EGFL8: variants seen among roughly 807,000 people sequenced by gnomAD.
The protein encoded by EGFL8 is epidermal growth factor-like protein 8.
Under a neutral mutation model 39.4 loss-of-function variants are expected in EGFL8, and 32 were observed. That is an observed-to-expected ratio of 0.81 (90% CI 0.61 to 1.09). The LOEUF (loss-of-function observed/expected upper bound fraction) is 1.09. Ranked by LOEUF, EGFL8 falls within the 50% of genes least tolerant of loss-of-function variation. EGFL8 has a pLI of 0.00. For missense variants in EGFL8, 385 were observed against 402.2 expected (o/e 0.96, Z 0.37); for synonymous variants, 177 against 168.5 (o/e 1.05, Z -0.39).
In EGFL8 at chr6:32,167,211, G is replaced by A. The variant is rs1784587641; in HGVS notation, c.555G>A (p.Glu185=). ...VLGVDGRTCM[E]GSPEPPTSAS... is the part of the protein sequence containing the mutation. ...GCGTGGACGGGCGCACCTGCATGGAGGGGTCCCCAGAGCCCCCAACCAGTG... is the reference window on the plus strand; with the variant it reads ...GCGTGGACGGGCGCACCTGCATGGAAGGGTCCCCAGAGCCCCCAACCAGTG... Residue 185 remains glutamate (E), a synonymous_variant, in exon 6 of 9, where the codon GAG becomes GAA. Transcript: ENST00000333845. The surrounding 1 kb of genome is among the most constrained non-coding windows in gnomAD (Gnocchi z 6.4). 6.2e-7 allele frequency: 1 copy of A among 1,612,884 alleles called. No homozygotes were observed.
In EGFL8 at chr6:32,166,287, G is replaced by T. The variant is rs1283521149; in HGVS notation, c.101+21G>T. On this transcript the variant is annotated intron_variant, in intron 2 of 8. Coordinates refer to ENST00000333845, the MANE Select transcript of EGFL8 (RefSeq NM_030652.4). The surrounding 1 kb of genome is among the most constrained non-coding windows in gnomAD (Gnocchi z 7.3). The stretch of plus-strand genomic sequence containing the variant: ...GAGAGGTGACAACAGAGGGGGTAGG[G>T]CCCGGGGTGAGCTCTTCTCAGGAGC... 2 of 1,612,770 alleles carry T rather than the reference G, an allele frequency of 1.2e-6. No individual in the cohort carries two copies. The highest frequency in any genetic ancestry group is 1.7e-6 in the Non-Finnish European group (2 of 1,179,140).
rs931258339 is a variant in EGFL8, at chr6:32,164,889, G to C, written c.-29+232G>C. Among the ~76,000 whole-genome samples the C allele has an allele frequency of 1.3e-5, 2 of 151,872 alleles. No homozygotes were observed. The highest frequency in any genetic ancestry group is 4.8e-5 in the African/African-American group (2 of 41,350). On this transcript the variant is annotated intron_variant, in intron 1 of 8. Coordinates refer to ENST00000333845, the MANE Select transcript of EGFL8 (RefSeq NM_030652.4). The surrounding 1 kb of genome is among the most constrained non-coding windows in gnomAD (Gnocchi z 5.4). ...TGTGTGTACGGTGTGAAGGTATATA[G>C]CTAGGGGTTTTTTTTGTTTGTTTGT... is the stretch of plus-strand genomic sequence containing the variant.
chr6:32,167,747 C>A lies in EGFL8; in HGVS notation c.835+91C>A. 1 of 1,544,186 alleles carries A rather than the reference C, an allele frequency of 6.5e-7. No homozygotes were observed. Among genetic ancestry groups the A allele is most frequent in the Middle Eastern group, 2.4e-4 (1 of 4,234 alleles). ...TCAGGCATTCCCTCTTTCCTCCAAG[C>A]CCCTCTCCAACATTCACTATCCTCA... On this transcript the variant is annotated intron_variant, in intron 8 of 8. Coordinates refer to ENST00000333845, the MANE Select transcript of EGFL8 (RefSeq NM_030652.4). The surrounding 1 kb of genome is among the most constrained non-coding windows in gnomAD (Gnocchi z 6.4).
chr6:32,166,767 C>A lies in EGFL8; in HGVS notation c.291C>A (p.Cys97Ter). The A allele has an allele frequency of 6.3e-7, 1 of 1,575,458 alleles. No homozygotes were observed. The highest frequency in any genetic ancestry group is 8.6e-7 in the Non-Finnish European group (1 of 1,159,158). Reference sequence around the variant, plus strand: ...TTCAGCAGACCCATGCAGTGTGCTGCCAGGGCTGGAAGAAGCGGCACCCGG... The same window carrying A: ...TTCAGCAGACCCATGCAGTGTGCTGACAGGGCTGGAAGAAGCGGCACCCGG... The part of the protein sequence containing the change: ...REVQQTHAVC[C>*]QGWKKRHPGA... The change falls in exon 4 of 9, where the codon TGC (cysteine) becomes TGA (stop). Residue 97 changes from cysteine to a stop codon, truncating the protein, a stop_gained. Transcript: ENST00000333845. LOFTEE classifies it high-confidence loss of function. The surrounding 1 kb of genome is among the most constrained non-coding windows in gnomAD (Gnocchi z 7.3).
chr6:32,167,267 C>T lies in EGFL8; in HGVS notation c.601+10C>T, dbSNP rs1370164884. Reference sequence around the variant, plus strand: ...ATACTCAGCGTGGCCGGTGAGTGGGCAGGAGTACGGGCCACCCGAGGGACT... The same window carrying T: ...ATACTCAGCGTGGCCGGTGAGTGGGTAGGAGTACGGGCCACCCGAGGGACT... On this transcript the variant is annotated intron_variant, in intron 6 of 8. Transcript: ENST00000333845. The surrounding 1 kb of genome is among the most constrained non-coding windows in gnomAD (Gnocchi z 6.4). 7 of 1,610,370 alleles carry T rather than the reference C, an allele frequency of 4.3e-6. No individual in the cohort carries two copies. The South Asian group carries it at 7.7e-5, about 18-fold the overall frequency.
chr6:32,166,002 A>T lies in EGFL8; in HGVS notation c.-28-136A>T. Reference sequence around the variant, plus strand: ...TGGGTTGTACACACAGGTGTAGGCAATCCTGGTGGCTAGTATGTAAAAGTG... The same window carrying T: ...TGGGTTGTACACACAGGTGTAGGCATTCCTGGTGGCTAGTATGTAAAAGTG... On this transcript the variant is annotated intron_variant, in intron 1 of 8. Transcript: ENST00000333845. This position sits in a 1 kb window ranked among gnomAD's most constrained non-coding sequence, Gnocchi z 7.3. The T allele has an allele frequency of 2.9e-6, 2 of 686,552 alleles. No individual in the cohort carries two copies. Among genetic ancestry groups the T allele is most frequent in the Non-Finnish European group, 5.3e-6 (2 of 379,244 alleles). 42.5% of individuals were successfully genotyped at this position (686,552 alleles called of 1,614,324 possible). A position where few individuals can be genotyped will look rare whatever the true frequency, so the allele number is the denominator to read the frequency against.
In EGFL8 at chr6:32,166,122, C is replaced by G; in HGVS notation, c.-28-16C>G. 6.2e-7 allele frequency: 1 copy of G among 1,606,538 alleles called. No individual in the cohort carries two copies. On this transcript the variant is annotated splice_polypyrimidine_tract_variant and intron_variant, in intron 1 of 8. Transcript: ENST00000333845. The surrounding 1 kb of genome is among the most constrained non-coding windows in gnomAD (Gnocchi z 7.3). The stretch of plus-strand genomic sequence containing the variant: ...GGAGAGGGGACGGGCATCCATTAAC[C>G]TTTTCTTGCCTGCAGCCTGTAGGGT...
rs1260515062 is a variant in EGFL8, at chr6:32,164,896, GTTTT to G, written c.-29+244_-29+247del. Among the ~76,000 whole-genome samples, 1 of 151,390 alleles carries G rather than the reference GTTTT, an allele frequency of 6.6e-6. No homozygotes were observed. The highest frequency in any genetic ancestry group is 2.1e-4 in the South Asian group (1 of 4,804). ...ACGGTGTGAAGGTATATAGCTAGGG[GTTTT>G]TTTTGTTTGTTTGTTTTGTTTGTTT... On this transcript the variant is annotated intron_variant, in intron 1 of 8. Coordinates refer to ENST00000333845, the MANE Select transcript of EGFL8 (RefSeq NM_030652.4). This position sits in a 1 kb window ranked among gnomAD's most constrained non-coding sequence, Gnocchi z 5.4.
Position 32,167,313 on chromosome 6 carries a change from G to A in EGFL8, c.602-37G>A, listed in dbSNP as rs117904238. 11,175 of 1,612,788 alleles carry A rather than the reference G, an allele frequency of 6.9e-3. 132 individuals carry two copies. Among genetic ancestry groups the A allele is most frequent in the East Asian group, 0.037 (1,649 of 44,870 alleles). Reference sequence around the variant, plus strand: ...GGACTCGGGACGGGCGTCCGGGCTCGGGTAGTGGTCACACTCTTGGTCTCC... The same window carrying A: ...GGACTCGGGACGGGCGTCCGGGCTCAGGTAGTGGTCACACTCTTGGTCTCC... On this transcript the variant is annotated intron_variant, in intron 6 of 8. Transcript: ENST00000333845. The surrounding 1 kb of genome is among the most constrained non-coding windows in gnomAD (Gnocchi z 6.4).
At position 32,164,629 on chromosome 6, in the gene EGFL8, C is replaced by T. The variant is rs1208000849; in HGVS notation, c.-57C>T. On this transcript the variant is annotated 5_prime_UTR_variant, in exon 1 of 9. Transcript: ENST00000333845. This position sits in a 1 kb window ranked among gnomAD's most constrained non-coding sequence, Gnocchi z 5.4. Reference sequence around the variant, plus strand: ...AGCTGCTTCTGCTGAGGCTGGTCTGCTTGAAGCCTCCCAGGAGAAAGAAGC... The same window carrying T: ...AGCTGCTTCTGCTGAGGCTGGTCTGTTTGAAGCCTCCCAGGAGAAAGAAGC... The T allele has an allele frequency of 1.4e-6, 1 of 719,964 alleles. No individual in the cohort carries two copies. The highest frequency in any genetic ancestry group is 2.6e-6 in the Non-Finnish European group (1 of 386,640). The allele number at this position is 719,964 out of a possible 1,614,324, so 44.6% of individuals were successfully genotyped here.
In EGFL8 at chr6:32,167,367, G is replaced by C. The variant is rs776775263; in HGVS notation, c.619G>C (p.Asp207His). 4 of 1,613,106 alleles carry C rather than the reference G, an allele frequency of 2.5e-6. No homozygotes were observed. The South Asian group carries it at 4.4e-5, about 18-fold the overall frequency. The change falls in exon 7 of 9, where the codon GAT becomes CAT. Residue 207 changes from aspartate (D) to histidine (H), a missense_variant. Transcript: ENST00000333845. This position sits in a 1 kb window ranked among gnomAD's most constrained non-coding sequence, Gnocchi z 6.4. The stretch of plus-strand genomic sequence containing the variant: ...GTCCCTAGTTCGGGAGGCGGAAAAA[G>C]ATGAGCGCGCTCTGAAGCAGGAGAT... ...LSVAVREAEK[D>H]ERALKQEIHE...
rs1784362956 is a variant in EGFL8 at position 32,164,647 on chromosome 6, AAAG to A, written c.-35_-33del. On this transcript the variant is annotated 5_prime_UTR_variant, in exon 1 of 9. Transcript: ENST00000333845. This position sits in a 1 kb window ranked among gnomAD's most constrained non-coding sequence, Gnocchi z 5.4. ...TGGTCTGCTTGAAGCCTCCCAGGAGAAAGAAGCCAGGTGGGAATGGAGAGAGAG... is the reference window on the plus strand; with the variant it reads ...TGGTCTGCTTGAAGCCTCCCAGGAGAAAGCCAGGTGGGAATGGAGAGAGAG... The A allele has an allele frequency of 1.4e-6, 1 of 718,628 alleles. No homozygotes were observed. The highest frequency in any genetic ancestry group is 2.6e-6 in the Non-Finnish European group (1 of 385,902). 44.5% of individuals were successfully genotyped at this position (718,628 alleles called of 1,614,324 possible).
chr6:32,164,790 G>A lies in EGFL8; in HGVS notation c.-29+133G>A. 1.6e-6 allele frequency: 1 copy of A among 638,816 alleles called. No homozygotes were observed. The highest frequency in any genetic ancestry group is 1.7e-5 in the South Asian group (1 of 57,958). The allele number at this position is 638,816 out of a possible 1,614,324, so 39.6% of individuals were successfully genotyped here. Reference sequence around the variant, plus strand: ...TTGGAGCAAGGGATGTGCATTTAGGGCGTTATGTGACGGTGTGGGTATATG... The same window carrying A: ...TTGGAGCAAGGGATGTGCATTTAGGACGTTATGTGACGGTGTGGGTATATG... On this transcript the variant is annotated intron_variant, in intron 1 of 8. Coordinates refer to ENST00000333845, the MANE Select transcript of EGFL8 (RefSeq NM_030652.4). This position sits in a 1 kb window ranked among gnomAD's most constrained non-coding sequence, Gnocchi z 5.4.
In EGFL8 at chr6:32,166,843, C is replaced by T. The variant is rs761496982; in HGVS notation, c.334+33C>T. 3.4e-5 allele frequency: 54 copies of T among 1,574,394 alleles called. No individual in the cohort carries two copies. Among genetic ancestry groups the T allele is most frequent in the African/African-American group, 2.0e-4 (15 of 73,726 alleles). On this transcript the variant is annotated intron_variant, in intron 4 of 8. Coordinates refer to ENST00000333845, the MANE Select transcript of EGFL8 (RefSeq NM_030652.4). This position sits in a 1 kb window ranked among gnomAD's most constrained non-coding sequence, Gnocchi z 7.3. Reference sequence around the variant, plus strand: ...TGGGTCTTCCGGGCCTTGCGGGAGGCGCGCCCCACGGAGCTGGGGAGCTGG... The same window carrying T: ...TGGGTCTTCCGGGCCTTGCGGGAGGTGCGCCCCACGGAGCTGGGGAGCTGG...
In EGFL8 at chr6:32,167,482, G is replaced by A. The variant is rs985459141; in HGVS notation, c.682-21G>A. 6.2e-7 allele frequency: 1 copy of A among 1,609,990 alleles called. No homozygotes were observed. Among genetic ancestry groups the A allele is most frequent in the African/African-American group, 1.3e-5 (1 of 74,946 alleles). ...GGCCAGACGTCACTGTCAATACCCTGAGGCATCTCTTCCTTTCTAGTGGGC... is the reference window on the plus strand; with the variant it reads ...GGCCAGACGTCACTGTCAATACCCTAAGGCATCTCTTCCTTTCTAGTGGGC... On this transcript the variant is annotated intron_variant, in intron 7 of 8. Coordinates refer to ENST00000333845, the MANE Select transcript of EGFL8 (RefSeq NM_030652.4). This position sits in a 1 kb window ranked among gnomAD's most constrained non-coding sequence, Gnocchi z 6.4.
chr6:32,166,477 C>T lies in EGFL8; in HGVS notation c.102-21C>T. 1 of 1,613,302 alleles carries T rather than the reference C, an allele frequency of 6.2e-7. No homozygotes were observed. Among genetic ancestry groups the T allele is most frequent in the Non-Finnish European group, 8.5e-7 (1 of 1,180,016 alleles). On this transcript the variant is annotated intron_variant, in intron 2 of 8. Transcript: ENST00000333845. The surrounding 1 kb of genome is among the most constrained non-coding windows in gnomAD (Gnocchi z 7.3). ...CTGGCCTACTCAATCTCTCCCACCT[C>T]ATCCTCTGGCATGGACGCAGTCAGG...
In EGFL8 at chr6:32,166,797, G is replaced by A. The variant is rs150029816; in HGVS notation, c.321G>A (p.Ala107=). The part of the protein sequence containing the change: ...CQGWKKRHPG[A]LTCEAICAKP... ...GCTGGAAGAAGCGGCACCCGGGGGC[G>A]CTCACCTGTGAAGGTGAGGCTGGGT... The change falls in exon 4 of 9, where the codon GCG becomes GCA. Residue 107 remains alanine, a synonymous_variant. Transcript: ENST00000333845. The surrounding 1 kb of genome is among the most constrained non-coding windows in gnomAD (Gnocchi z 7.3). 8.3e-6 allele frequency: 13 copies of A among 1,569,942 alleles called. No homozygotes were observed. Among genetic ancestry groups the A allele is most frequent in the Middle Eastern group, 1.7e-4 (1 of 5,832 alleles).
chr6:32,166,003 T>C lies in EGFL8; in HGVS notation c.-28-135T>C. The C allele has an allele frequency of 2.9e-6, 2 of 687,606 alleles. No homozygotes were observed. Among genetic ancestry groups the C allele is most frequent in the Non-Finnish European group, 5.3e-6 (2 of 380,044 alleles). 42.6% of individuals were successfully genotyped at this position (687,606 alleles called of 1,614,324 possible). On this transcript the variant is annotated intron_variant, in intron 1 of 8. Coordinates refer to ENST00000333845, the MANE Select transcript of EGFL8 (RefSeq NM_030652.4). The surrounding 1 kb of genome is among the most constrained non-coding windows in gnomAD (Gnocchi z 7.3). ...GGGTTGTACACACAGGTGTAGGCAA[T>C]CCTGGTGGCTAGTATGTAAAAGTGA... is the stretch of plus-strand genomic sequence containing the variant.
chr6:32,164,813 A>G lies in EGFL8; in HGVS notation c.-29+156A>G, dbSNP rs2849013. 22,580 of 624,184 alleles carry G rather than the reference A, an allele frequency of 0.036. 694 individuals are homozygous for G. Among genetic ancestry groups the G allele is most frequent in the African/African-American group, 0.099 (5,505 of 55,464 alleles). 38.7% of individuals were successfully genotyped at this position (624,184 alleles called of 1,614,324 possible). A position where few individuals can be genotyped will look rare whatever the true frequency, so the allele number is the denominator to read the frequency against. On this transcript the variant is annotated intron_variant, in intron 1 of 8. Transcript: ENST00000333845. The surrounding 1 kb of genome is among the most constrained non-coding windows in gnomAD (Gnocchi z 5.4). ...GGGCGTTATGTGACGGTGTGGGTATATGAGGGGAGTAGCAGTGTGTGAAAG... is the reference window on the plus strand; with the variant it reads ...GGGCGTTATGTGACGGTGTGGGTATGTGAGGGGAGTAGCAGTGTGTGAAAG...
Sources: gnomAD v4.1 joint callset for allele counts (sites outside exome capture counted in the v4.1 genomes callset) on GRCh38, gnomAD v4.1.1 for gene constraint, Gnocchi (gnomAD v3.1) non-coding constraint, MANE v1.5 for transcripts, NCBI Gene and HGNC (gene_info 2026-07-23, HGNC 2026-07-21) for gene names.